The following KCNV1 variants were observed in gnomAD, a reference collection of about 807,000 sequenced individuals.
KCNV1 encodes potassium voltage-gated channel subfamily V member 1.
A neutral mutation model predicts 36.4 loss-of-function variants in KCNV1; 2 were observed. The observed-to-expected ratio is 0.05, with a 90% confidence interval of 0.02 to 0.17. The LOEUF (loss-of-function observed/expected upper bound fraction) is 0.17, where lower values mean the gene tolerates loss of function less well. Among genes scored for constraint, KCNV1 ranks in the 10% least tolerant of loss-of-function variants. The pLI is 1.00. For synonymous variants in KCNV1, 280 were observed against 261.1 expected (o/e 1.07, Z -0.70); for missense variants, 321 against 643.6 (o/e 0.50, Z 5.42).
intron 2 of KCNV1, 65 bp downstream of exon 2, chr8:109,973,863 G>A (rs1212295946): frequency 2.7e-6 from 3 of 1,105,912 alleles, no homozygotes; most frequent in Non-Finnish European, 2.4e-6. Flanking sequence ...AAATCTACCT[G>A]TGCCTTCCTC....
chr8:109,974,533 C>G lies in KCNV1; in HGVS notation c.-145G>C. ...AGGGGTTACCTCTCCTTGGCGCACC[C>G]TCTCCACCCGCTGTGCGCCTTCCTC... On this transcript the variant is annotated 5_prime_UTR_variant, in exon 2 of 4. Transcript: ENST00000524391. The surrounding 1 kb of genome is among the most constrained non-coding windows in gnomAD (Gnocchi z 6.2). 1.6e-6 allele frequency: 1 copy of G among 621,682 alleles called. No homozygotes were observed. The highest frequency in any genetic ancestry group is 2.8e-6 in the Non-Finnish European group (1 of 360,006). 38.5% of individuals were successfully genotyped at this position (621,682 alleles called of 1,614,324 possible).
At chr8:109,973,782 C>T in intron 2 of KCNV1, 146 bp downstream of exon 2, 1 of 433,676 alleles carries the variant, frequency 2.3e-6, no homozygotes. Flanking sequence ...CACCCCCACC[C>T]CACCTGTCAG....
At chr8:109,970,485 A>G (rs1283203827) in intron 3 of KCNV1, among the ~76,000 whole-genome samples, 1 of 152,186 alleles carries the variant, frequency 6.6e-6, no homozygotes, top group Non-Finnish European at 1.5e-5. Context: ...ACAGACGAGG[A>G]GGCTGAGGCA....
At chr8:109,973,781 C>CCCCCCCCCCT in intron 2 of KCNV1, 147 bp downstream of exon 2, 1 of 428,400 alleles carries the variant, frequency 2.3e-6, no homozygotes, top group South Asian at 5.4e-5. Context: ...CCACCCCCAC[C>CCCCCCCCCCT]CCACCTGTCA....
chr8:109,966,739 C>T lies in KCNV1; in HGVS notation c.*1349G>A, dbSNP rs902186213. 4 of 152,134 alleles carry T rather than the reference C, an allele frequency of 2.6e-5. No individual in the cohort carries two copies. The highest frequency in any genetic ancestry group is 3.8e-4 in the East Asian group (2 of 5,196). The allele number at this position is 152,134 out of a possible 1,614,324, so 9.4% of individuals were successfully genotyped here. Reference sequence around the variant, plus strand: ...GCAGTCCTCAATGTTTATTTCTTATCACCATTCACCCCTGGCAAAGAGCCT... The same window carrying T: ...GCAGTCCTCAATGTTTATTTCTTATTACCATTCACCCCTGGCAAAGAGCCT... On this transcript the variant is annotated 3_prime_UTR_variant, in exon 4 of 4. Transcript: ENST00000524391.
intron 3 of KCNV1, among the ~76,000 whole-genome samples, chr8:109,970,737 GA>G (rs1819999928): frequency 6.6e-6 from 1 of 152,152 alleles, no homozygotes; most frequent in Non-Finnish European, 1.5e-5. Flanking sequence ...TTAGAATGGT[GA>G]AAATCTTTGA....
rs1246841333 is a variant in KCNV1, at chr8:109,974,428, TG to T, written c.-41del. On this transcript the variant is annotated 5_prime_UTR_variant, in exon 2 of 4. Coordinates refer to ENST00000524391, the MANE Select transcript of KCNV1 (RefSeq NM_014379.4). This position sits in a 1 kb window ranked among gnomAD's most constrained non-coding sequence, Gnocchi z 6.2. The stretch of plus-strand genomic sequence containing the variant: ...CCGCGGCCTGAGGGCGCCACAAAGT[TG>T]GGGACACGCCGGAAGCTTTGGTCCC... 6.5e-6 allele frequency: 9 copies of T among 1,375,878 alleles called. No individual in the cohort carries two copies. In the African/African-American group the frequency reaches 1.3e-4, roughly 20 times the overall value. The allele number at this position is 1,375,878 out of a possible 1,614,324, so 85.2% of individuals were successfully genotyped here.
chr8:109,973,009 G>C (rs2130898539), intron 2 of KCNV1, among the ~76,000 whole-genome samples: 1 of 134,978 alleles, frequency 7.4e-6, no homozygotes. Flanking sequence ...ACGGAGTCTT[G>C]CTCTGTCGCC....
In KCNV1 at chr8:109,967,653, C is replaced by T. The variant is rs1350876875; in HGVS notation, c.*435G>A. The T allele has an allele frequency of 6.2e-6, 1 of 160,676 alleles. No individual in the cohort carries two copies. The highest frequency in any genetic ancestry group is 1.4e-5 in the Non-Finnish European group (1 of 72,786). The allele number at this position is 160,676 out of a possible 1,614,324, so 10.0% of individuals were successfully genotyped here. On this transcript the variant is annotated 3_prime_UTR_variant, in exon 4 of 4. Coordinates refer to ENST00000524391, the MANE Select transcript of KCNV1 (RefSeq NM_014379.4). ...AGTAATTTATGTACTTGGATAATAT[C>T]TTTAAATAGCAAAGTTGTTCAATAT...
In KCNV1 at chr8:109,974,717, C is replaced by T. The variant is rs552152250; in HGVS notation, c.-329G>A. The T allele has an allele frequency of 2.1e-3, 745 of 353,258 alleles. 3 individuals carry two copies. The highest frequency in any genetic ancestry group is 4.3e-3 in the Admixed American group (97 of 22,456). The allele number at this position is 353,258 out of a possible 1,614,324, so 21.9% of individuals were successfully genotyped here. A position where few individuals can be genotyped will look rare whatever the true frequency, so the allele number is the denominator to read the frequency against. On this transcript the variant is annotated 5_prime_UTR_variant, in exon 2 of 4. Coordinates refer to ENST00000524391, the MANE Select transcript of KCNV1 (RefSeq NM_014379.4). The surrounding 1 kb of genome is among the most constrained non-coding windows in gnomAD (Gnocchi z 6.2). ...CACTGCCGGTCGCCCTGGCCCTTCC[C>T]AAACGTTGTCACCCCGCCTCCCAAC...
Position 109,967,882 on chromosome 8 carries a change from T to A in KCNV1, c.*206A>T. 1 of 508,700 alleles carries A rather than the reference T, an allele frequency of 2.0e-6. No individual in the cohort carries two copies. 31.5% of individuals were successfully genotyped at this position (508,700 alleles called of 1,614,324 possible). On this transcript the variant is annotated 3_prime_UTR_variant, in exon 4 of 4. Coordinates refer to ENST00000524391, the MANE Select transcript of KCNV1 (RefSeq NM_014379.4). ...TGTATTTGGTTGTGTTAATTGGCTATTTTGGACACTCAAATGTGTCAGAAC... is the reference window on the plus strand; with the variant it reads ...TGTATTTGGTTGTGTTAATTGGCTAATTTGGACACTCAAATGTGTCAGAAC...
intron 3 of KCNV1, among the ~76,000 whole-genome samples, chr8:109,970,427 T>C (rs1819996094): frequency 6.6e-6 from 1 of 152,162 alleles, no homozygotes; most frequent in African/African-American, 2.4e-5. Context: ...TCAGAGAATC[T>C]TCAAAAGAAA....
In KCNV1 at chr8:109,963,658, C is replaced by G. The variant is rs2130893089; in HGVS notation, c.*4430G>C. On this transcript the variant is annotated 3_prime_UTR_variant, in exon 4 of 4. Transcript: ENST00000524391. ...ATATATATTTTCTGCAACAGCTAAT[C>G]AAAATATTTTAATAAGCATAAGAAT... 1 of 152,198 alleles carries G rather than the reference C, an allele frequency of 6.6e-6. No individual in the cohort carries two copies. The highest frequency in any genetic ancestry group is 1.9e-4 in the East Asian group (1 of 5,188). 9.4% of individuals were successfully genotyped at this position (152,198 alleles called of 1,614,324 possible). A position where few individuals can be genotyped will look rare whatever the true frequency, so the allele number is the denominator to read the frequency against.
Position 109,974,115 on chromosome 8 carries a change from C to A in KCNV1, c.274G>T (p.Asp92Tyr), listed in dbSNP as rs1463804917. The change falls in exon 2 of 4, where the codon GAC becomes TAC. Residue 92 changes from aspartate (D) to tyrosine (Y), a missense_variant. By Grantham distance (160) the Asp-to-Tyr change is radical. Coordinates refer to ENST00000524391, the MANE Select transcript of KCNV1 (RefSeq NM_014379.4). The surrounding 1 kb of genome is among the most constrained non-coding windows in gnomAD (Gnocchi z 6.2). ...TCGTTGTCCACGGGGTTGGCATCGT[C>A]GCAAAGCTCCAGAGGGCTGGGCACG... ...AAVPSPLELC[D>Y]DANPVDNEYF... 1 of 1,612,626 alleles carries A rather than the reference C, an allele frequency of 6.2e-7. No individual in the cohort carries two copies. Among genetic ancestry groups the A allele is most frequent in the Non-Finnish European group, 8.5e-7 (1 of 1,179,676 alleles).
At chr8:109,973,865 G>A in intron 2 of KCNV1, 63 bp downstream of exon 2, 9 of 1,213,826 alleles carry the variant, frequency 7.4e-6, no homozygotes, top group Non-Finnish European at 1.0e-5. Context: ...ATCTACCTGT[G>A]CCTTCCTCTC....
chr8:109,972,519 T>A lies in KCNV1; in HGVS notation c.730A>T (p.Ile244Phe). The A allele has an allele frequency of 6.2e-7, 1 of 1,614,160 alleles. No individual in the cohort carries two copies. Among genetic ancestry groups the A allele is most frequent in the Non-Finnish European group, 8.5e-7 (1 of 1,180,034 alleles). The part of the protein sequence containing the change: ...LSWLDLQLLE[I>F]LEYVCISWFT... ...CAGCTAATGCACACATACTCCAGGATTTCCAGCAGCTGCAGGTCCAGCCAG... is the reference window on the plus strand; with the variant it reads ...CAGCTAATGCACACATACTCCAGGAATTCCAGCAGCTGCAGGTCCAGCCAG... Residue 244 changes from isoleucine to phenylalanine, a missense_variant, in exon 3 of 4, where the codon ATC becomes TTC. Physicochemically the swap from Ile to Phe is conservative, Grantham distance 21. Transcript: ENST00000524391. This position sits in a 1 kb window ranked among gnomAD's most constrained non-coding sequence, Gnocchi z 5.2.
rs1380985535 is a variant in KCNV1 at position 109,972,448 on chromosome 8, C to T, written c.801G>A (p.Arg267=). 1.2e-6 allele frequency: 2 copies of T among 1,614,120 alleles called. No homozygotes were observed. Among genetic ancestry groups the T allele is most frequent in the African/African-American group, 1.3e-5 (1 of 75,018 alleles). Residue 267 remains arginine (R), a synonymous_variant, in exon 3 of 4, where the codon AGG becomes AGA. Coordinates refer to ENST00000524391, the MANE Select transcript of KCNV1 (RefSeq NM_014379.4). The surrounding 1 kb of genome is among the most constrained non-coding windows in gnomAD (Gnocchi z 5.2). ...FVLRFLCVRD[R]CRFLRKVPNI... ...TTGGCACCTTTCTTAGGAAGCGACA[C>T]CTGTCCCGCACACACAGGAAGCGGA...
chr8:109,973,839 T>TTG (rs1820043069), intron 2 of KCNV1, 89 bp downstream of exon 2: 1 of 796,386 alleles, frequency 1.3e-6, no homozygotes, highest in African/African-American at 2.1e-5. Flanking sequence ...CCAGCGAAGC[T>TTG]TGTGTAAAGC....
Position 109,972,834 on chromosome 8 carries a change from C to A in KCNV1, c.462-47G>T, listed in dbSNP as rs763234374. ...TGATTAGTCTAACTTTATTAAAATA[C>A]AGAAGTATAAGATAATTAAACATGG... On this transcript the variant is annotated intron_variant, in intron 2 of 3. Coordinates refer to ENST00000524391, the MANE Select transcript of KCNV1 (RefSeq NM_014379.4). This position sits in a 1 kb window ranked among gnomAD's most constrained non-coding sequence, Gnocchi z 5.2. 9.1e-6 allele frequency: 13 copies of A among 1,424,504 alleles called. No homozygotes were observed. The highest frequency in any genetic ancestry group is 1.2e-5 in the Non-Finnish European group (13 of 1,056,920). The allele number at this position is 1,424,504 out of a possible 1,614,324, so 88.2% of individuals were successfully genotyped here.
Sources: gnomAD v4.1 joint callset for allele counts (sites outside exome capture counted in the v4.1 genomes callset) on GRCh38, gnomAD v4.1.1 for gene constraint, Gnocchi (gnomAD v3.1) non-coding constraint, MANE v1.5 for transcripts, NCBI Gene and HGNC (gene_info 2026-07-23, HGNC 2026-07-21) for gene names.